SVEP1: variants seen among roughly 807,000 people sequenced by gnomAD.
SVEP1 encodes the protein sushi, von Willebrand factor type A, EGF and pentraxin domain containing 1.
In SVEP1, 164 loss-of-function variants were observed where a neutral mutation model predicts 367.3. The observed-to-expected ratio is 0.45, with a 90% confidence interval of 0.39 to 0.51. SVEP1 has a LOEUF of 0.51. Ranked by LOEUF, SVEP1 falls within the 20% of genes least tolerant of loss-of-function variation. SVEP1 has a pLI of 0.00. For missense variants in SVEP1, 4,117 were observed against 4,425.3 expected, an observed-to-expected ratio of 0.93 and a Z score of 1.98; for synonymous variants, 1,666 against 1,611.6, an observed-to-expected ratio of 1.03 and a Z score of -0.81.
Position 110,390,331 on chromosome 9 carries a change from A to AAG in SVEP1, c.9823-745_9823-744insCT, listed in dbSNP as rs1564127554. Among the ~76,000 whole-genome samples, 109 of 74,128 alleles carry AAG rather than the reference A, an allele frequency of 1.5e-3. 6 individuals are homozygous for AAG. In the East Asian group the frequency reaches 0.037, roughly 25 times the overall value. 48.6% of individuals were successfully genotyped at this position (74,128 alleles called of 152,430 possible). A position where few individuals can be genotyped will look rare whatever the true frequency, so the allele number is the denominator to read the frequency against. On this transcript the variant is annotated intron_variant, in intron 40 of 47. Transcript: ENST00000374469. The stretch of plus-strand genomic sequence containing the variant: ...TAAGTATGTGTATATATACTTATAT[A>AAG]TACACATACTTATATACACTTATAT...
At chr9:110,398,703 A>C (rs562986747) in intron 40 of SVEP1, among the ~76,000 whole-genome samples, 1 of 152,376 alleles carries the variant, frequency 6.6e-6, no homozygotes, top group Non-Finnish European at 1.5e-5. Context: ...GACAGTTCTC[A>C]AAAGAAGACG....
At position 110,505,049 on chromosome 9, in the gene SVEP1, C is replaced by T. The variant is rs147471828; in HGVS notation, c.1304-1832G>A. Among the ~76,000 whole-genome samples the T allele has an allele frequency of 3.0e-3, 451 of 152,302 alleles. 2 individuals are homozygous for T. Among genetic ancestry groups the T allele is most frequent in the African/African-American group, 0.01 (432 of 41,564 alleles). ...AAACTGCGGATGCTGAAAACGCCCCCGTACCTCAGCCAGCCTCAACATCAC... is the reference window on the plus strand; with the variant it reads ...AAACTGCGGATGCTGAAAACGCCCCTGTACCTCAGCCAGCCTCAACATCAC... On this transcript the variant is annotated intron_variant, in intron 5 of 47. Coordinates refer to ENST00000374469, the MANE Select transcript of SVEP1 (RefSeq NM_153366.4).
At chr9:110,396,270 G>A (rs1827757541) in intron 40 of SVEP1, among the ~76,000 whole-genome samples, 1 of 151,062 alleles carries the variant, frequency 6.6e-6, no homozygotes, top group Non-Finnish European at 1.5e-5. Context: ...ACGAAATGAA[G>A]GCAGAAATAA....
chr9:110,507,264 G>T (rs898023151), intron 5 of SVEP1, among the ~76,000 whole-genome samples: 1 of 152,152 alleles, frequency 6.6e-6, no homozygotes, highest in Non-Finnish European at 1.5e-5. Flanking sequence ...CTCCGGGTGG[G>T]ATATATTTTT....
Position 110,407,604 on chromosome 9 carries a change from C to G in SVEP1, c.7996G>C (p.Glu2666Gln). Reference sequence around the variant, plus strand: ...TTTGATGAATGTGTAGCAGGAGACTCCTTTGTATTTTCCCAGGTTTTAGCC... The same window carrying G: ...TTTGATGAATGTGTAGCAGGAGACTGCTTTGTATTTTCCCAGGTTTTAGCC... The part of the protein sequence containing the change: ...AVAKTWENTK[E>Q]SPATHSSNFL... The change falls in exon 38 of 48, where the codon GAG becomes CAG. Residue 2666 changes from glutamate (E) to glutamine (Q), a missense_variant. By Grantham distance (29) the Glu-to-Gln change is conservative. Around this residue, in one of 4 missense-constraint regions of SVEP1, gnomAD observed 1,765 missense variants for 1,781.1 expected, o/e 0.99. Transcript: ENST00000374469. 1 of 1,613,954 alleles carries G rather than the reference C, an allele frequency of 6.2e-7. No individual in the cohort carries two copies. Among genetic ancestry groups the G allele is most frequent in the Non-Finnish European group, 8.5e-7 (1 of 1,179,854 alleles).
chr9:110,438,175 C>T (rs1255904515), intron 27 of SVEP1, among the ~76,000 whole-genome samples: 6 of 115,334 alleles, frequency 5.2e-5, no homozygotes, highest in East Asian at 2.8e-4. Flanking sequence ...AGTAGTTATG[C>T]TATTTTTTTT....
At chr9:110,393,323 A>G (rs1205890712) in intron 40 of SVEP1, among the ~76,000 whole-genome samples, 2 of 152,216 alleles carry the variant, frequency 1.3e-5, no homozygotes, top group East Asian at 1.9e-4. Context: ...GCATATACCT[A>G]TCATATGATA....
At chr9:110,568,642 G>C (rs1378609675) in intron 1 of SVEP1, among the ~76,000 whole-genome samples, 1 of 151,798 alleles carries the variant, frequency 6.6e-6, no homozygotes, top group Non-Finnish European at 1.5e-5. Flanking sequence ...CTGAGGGAAG[G>C]GACCCTTACT....
chr9:110,426,180 G>A (rs1163219517), intron 36 of SVEP1, among the ~76,000 whole-genome samples: 1 of 152,168 alleles, frequency 6.6e-6, no homozygotes, highest in Non-Finnish European at 1.5e-5. Context: ...TTAAGAAGAT[G>A]TTAAGATTTG....
rs1268107437 is a variant in SVEP1 at position 110,459,118 on chromosome 9, A to T, written c.3323-5T>A. 6.2e-7 allele frequency: 1 copy of T among 1,613,132 alleles called. No individual in the cohort carries two copies. The highest frequency in any genetic ancestry group is 8.5e-7 in the Non-Finnish European group (1 of 1,179,370). On this transcript the variant is annotated splice_polypyrimidine_tract_variant and splice_region_variant and intron_variant, in intron 18 of 47. Transcript: ENST00000374469. ...ATTTTCCTTCTGGACAAGGAACTGC[A>T]GAGGTAAAAACAAATCATATGTGCA...
At chr9:110,378,740 A>G (rs559464368) in intron 44 of SVEP1, among the ~76,000 whole-genome samples, 1 of 123,812 alleles carries the variant, frequency 8.1e-6, no homozygotes, top group South Asian at 2.8e-4. Context: ...GAAGGGGAAC[A>G]TCACACTCTG....
intron 43 of SVEP1, among the ~76,000 whole-genome samples, chr9:110,385,221 T>C (rs1468995113): frequency 1.3e-5 from 2 of 152,198 alleles, no homozygotes; most frequent in African/African-American, 2.4e-5. Context: ...CCTCAGGTGA[T>C]CCACCCACCT....
chr9:110,446,896 A>G lies in SVEP1; in HGVS notation c.4261+4T>C. ...GTTATTAATAACACTGAGTTGATAC[A>G]TACCTGTTTCACACCTTTTGCCTGA... On this transcript the variant is annotated splice_donor_region_variant and intron_variant, in intron 25 of 47. Coordinates refer to ENST00000374469, the MANE Select transcript of SVEP1 (RefSeq NM_153366.4). 2 of 1,524,470 alleles carry G rather than the reference A, an allele frequency of 1.3e-6. No homozygotes were observed. The highest frequency in any genetic ancestry group is 1.8e-6 in the Non-Finnish European group (2 of 1,136,004). 94.4% of individuals were successfully genotyped at this position (1,524,470 alleles called of 1,614,324 possible).
Position 110,579,594 on chromosome 9 carries a change from G to C in SVEP1, c.-51C>G, listed in dbSNP as rs1453215907. On this transcript the variant is annotated 5_prime_UTR_variant, in exon 1 of 48. Coordinates refer to ENST00000374469, the MANE Select transcript of SVEP1 (RefSeq NM_153366.4). This position sits in a 1 kb window ranked among gnomAD's most constrained non-coding sequence, Gnocchi z 5.3. ...CGGAGCGCAGGCGGCGGCTCGGGCGGGAAGAGGCGCTGGGCGGCCGGACTC... is the reference window on the plus strand; with the variant it reads ...CGGAGCGCAGGCGGCGGCTCGGGCGCGAAGAGGCGCTGGGCGGCCGGACTC... The C allele has an allele frequency of 1.3e-6, 2 of 1,503,266 alleles. No individual in the cohort carries two copies. Among genetic ancestry groups the C allele is most frequent in the East Asian group, 2.6e-5 (1 of 37,812 alleles). The allele number at this position is 1,503,266 out of a possible 1,614,324, so 93.1% of individuals were successfully genotyped here. A position where few individuals can be genotyped will look rare whatever the true frequency, so the allele number is the denominator to read the frequency against.
rs770525278 is a variant in SVEP1, at chr9:110,407,172, T to C, written c.8428A>G (p.Thr2810Ala). 1.5e-5 allele frequency: 25 copies of C among 1,613,998 alleles called. No homozygotes were observed. The highest frequency in any genetic ancestry group is 2.7e-5 in the African/African-American group (2 of 75,048). The change falls in exon 38 of 48, where the codon ACT becomes GCT. Residue 2810 changes from threonine to alanine, a missense_variant. Thr to Ala is a moderately conservative substitution (Grantham distance 58). Around this residue, in one of 4 missense-constraint regions of SVEP1, gnomAD observed 1,765 missense variants for 1,781.1 expected, o/e 0.99. Transcript: ENST00000374469. Reference protein sequence around the residue: ...ECDPGYVLNGTERRTCQDDKN... With the variant: ...ECDPGYVLNGAERRTCQDDKN... ...TCATCCTGGCATGTTCTCCTCTCAGTGCCATTCAGCACATATCCGGGGTCA... is the reference window on the plus strand; with the variant it reads ...TCATCCTGGCATGTTCTCCTCTCAGCGCCATTCAGCACATATCCGGGGTCA...
intron 14 of SVEP1, 147 bp from the exon 15 acceptor site, chr9:110,472,470 G>A (rs1829035866): frequency 6.4e-6 from 4 of 625,404 alleles, no homozygotes; most frequent in Non-Finnish European, 7.5e-6. Context: ...GGTCTACAAT[G>A]TTATATATAT....
At chr9:110,507,086 T>A (rs1588085180) in intron 5 of SVEP1, among the ~76,000 whole-genome samples, 1 of 152,016 alleles carries the variant, frequency 6.6e-6, no homozygotes, top group Admixed American at 6.6e-5. Flanking sequence ...TGGGGACGTA[T>A]ATTCATCTTG....
At chr9:110,553,034 G>A (rs1018710314) in intron 1 of SVEP1, among the ~76,000 whole-genome samples, 7 of 152,148 alleles carry the variant, frequency 4.6e-5, no homozygotes, top group Admixed American at 3.9e-4. Flanking sequence ...CCTGGAAGCC[G>A]CAGGAGATAG....
intron 3 of SVEP1, among the ~76,000 whole-genome samples, chr9:110,538,916 T>C (rs1186779324): frequency 6.6e-6 from 1 of 152,114 alleles, no homozygotes; most frequent in Non-Finnish European, 1.5e-5. Context: ...GGATTTGATT[T>C]GTTGTTGGCA....
Sources: gnomAD v4.1 joint callset for allele counts (sites outside exome capture counted in the v4.1 genomes callset) on GRCh38, gnomAD v4.1.1 for gene constraint, gnomAD v4.1.1 regional missense constraint, Gnocchi (gnomAD v3.1) non-coding constraint, MANE v1.5 for transcripts, NCBI Gene and HGNC (gene_info 2026-07-23, HGNC 2026-07-21) for gene names.